Variants in KRT72 observed in about 807,000 individuals in gnomAD.
KRT72 encodes keratin 72.
KRT72 carries 44 observed loss-of-function variants against 44.7 expected under a neutral mutation model. The ratio of observed to expected loss-of-function variants is 0.98; its 90% confidence interval spans 0.77 to 1.27. The LOEUF is 1.27. Among genes scored for constraint, KRT72 ranks in the 50% most tolerant of loss-of-function variants. The pLI, the probability that KRT72 is intolerant of heterozygous loss-of-function variation, is 0.00. For synonymous variants in KRT72, 302 were observed against 280.4 expected (o/e 1.08, Z -0.77); for missense variants, 736 against 667.1 (o/e 1.10, Z -1.14).
In KRT72 at chr12:52,590,886, T is replaced by G. The variant is rs754766372; in HGVS notation, c.1039A>C (p.Asn347His). The part of the protein sequence containing the change: ...KLTKAEISEL[N>H]RLIQRIRSEI... ...GAGCGGATCCTCTGGATCAGGCGGT[T>G]GAGCTCAGAGATTTCAGCCTTGGTG... The change falls in exon 6 of 9, where the codon AAC becomes CAC. Residue 347 changes from asparagine to histidine, a missense_variant. Physicochemically the swap from Asn to His is moderately conservative, Grantham distance 68. Coordinates refer to ENST00000293745, the MANE Select transcript of KRT72 (RefSeq NM_080747.3). 6.2e-7 allele frequency: 1 copy of G among 1,606,854 alleles called. No homozygotes were observed. The highest frequency in any genetic ancestry group is 8.5e-7 in the Non-Finnish European group (1 of 1,174,540).
Position 52,599,047 on chromosome 12 carries a change from G to A in KRT72, c.492C>T (p.Asp164=), listed in dbSNP as rs1483325713. The A allele has an allele frequency of 1.2e-6, 2 of 1,614,042 alleles. No individual in the cohort carries two copies. Among genetic ancestry groups the A allele is most frequent in the Non-Finnish European group, 1.7e-6 (2 of 1,179,924 alleles). ...ETKWNLLQQL[D]LNNCRKNLEP... ...CCAGGTTCTTCCTGCAGTTGTTCAA[G>A]TCCAGCTGCTGTAGGAGGTTCCACT... The change falls in exon 2 of 9, where the codon GAC becomes GAT. Residue 164 remains aspartate (D), a synonymous_variant. Coordinates refer to ENST00000293745, the MANE Select transcript of KRT72 (RefSeq NM_080747.3).
At position 52,587,719 on chromosome 12, in the gene KRT72, G is replaced by A. The variant is rs766030329; in HGVS notation, c.1222C>T (p.Arg408Cys). The change falls in exon 7 of 9, where the codon CGT becomes TGT. Residue 408 changes from arginine to cysteine, a missense_variant. Transcript: ENST00000293745. ...AGGCTCACGAGCTCCTGGTACTCAC[G>A]CAGCATCCGTGCCAGCTCCTCCTTG... ...QAKEELARML[R>C]EYQELVSLKL... is the part of the protein sequence containing the mutation. 1.2e-5 allele frequency: 19 copies of A among 1,614,040 alleles called. No homozygotes were observed. The highest frequency in any genetic ancestry group is 2.2e-5 in the East Asian group (1 of 44,876).
chr12:52,593,875 G>A (rs1940141730), intron 2 of KRT72, among the ~76,000 whole-genome samples: 1 of 152,168 alleles, frequency 6.6e-6, no homozygotes, highest in Admixed American at 6.5e-5. Context: ...AGGAAGAGGG[G>A]AGGGAAGAAA....
At position 52,601,426 on chromosome 12, in the gene KRT72, G is replaced by A; in HGVS notation, c.27C>T (p.Pro9=). Residue 9 remains proline (P), a synonymous_variant, in exon 1 of 9, where the codon CCC becomes CCT. Coordinates refer to ENST00000293745, the MANE Select transcript of KRT72 (RefSeq NM_080747.3). MSRQLTHF[P]RGERLGFSGC... is the part of the protein sequence containing the mutation. ...CGCTGAAGCCCAGGCGCTCCCCGCGGGGGAAATGGGTCAGTTGGCGGCTCA... is the reference window on the plus strand; with the variant it reads ...CGCTGAAGCCCAGGCGCTCCCCGCGAGGGAAATGGGTCAGTTGGCGGCTCA... 2.6e-6 allele frequency: 4 copies of A among 1,539,050 alleles called. No homozygotes were observed. The highest frequency in any genetic ancestry group is 3.5e-6 in the Non-Finnish European group (4 of 1,147,262).
At chr12:52,590,499 A>G (rs1281749509) in intron 6 of KRT72, among the ~76,000 whole-genome samples, 1 of 152,172 alleles carries the variant, frequency 6.6e-6, no homozygotes, top group Non-Finnish European at 1.5e-5. Context: ...TGCCCCAGAT[A>G]GGCAAGCCCA....
At chr12:52,600,882 T>C in intron 1 of KRT72, 145 bp downstream of exon 1, 1 of 820,602 alleles carries the variant, frequency 1.2e-6, no homozygotes, top group Non-Finnish European at 1.9e-6. Flanking sequence ...GTAAGACCCA[T>C]TATTGTGCCC....
intron 2 of KRT72, among the ~76,000 whole-genome samples, chr12:52,594,596 C>T (rs895459395): frequency 6.7e-5 from 10 of 148,886 alleles, no homozygotes; most frequent in African/African-American, 1.2e-4. Flanking sequence ...CACCACACAC[C>T]GAGGCCTGTT....
intron 2 of KRT72, among the ~76,000 whole-genome samples, chr12:52,594,712 G>GCACGTTGT (rs1268544907): frequency 1.3e-5 from 2 of 152,140 alleles, no homozygotes; most frequent in Non-Finnish European, 2.9e-5. Flanking sequence ...TAGCAAACCT[G>GCACGTTGT]CACGTTGTGC....
At chr12:52,590,731 G>A (rs1939971664) in intron 6 of KRT72, 105 bp downstream of exon 6, 7 of 1,070,434 alleles carry the variant, frequency 6.5e-6, no homozygotes, top group Non-Finnish European at 9.1e-6. Context: ...GTAAATTAGA[G>A]GAGGCCCTAA....
chr12:52,587,865 A>T lies in KRT72; in HGVS notation c.1090-14T>A. Reference sequence around the variant, plus strand: ...CAGATCGGCACACTGAGGGGCAAACAGATCCAGCACTTAAGAGTCAGAGCC... The same window carrying T: ...CAGATCGGCACACTGAGGGGCAAACTGATCCAGCACTTAAGAGTCAGAGCC... On this transcript the variant is annotated splice_polypyrimidine_tract_variant and intron_variant, in intron 6 of 8. Transcript: ENST00000293745. The T allele has an allele frequency of 6.2e-7, 1 of 1,611,952 alleles. No homozygotes were observed. The highest frequency in any genetic ancestry group is 2.2e-5 in the East Asian group (1 of 44,880).
rs768009767 is a variant in KRT72, at chr12:52,590,860, T to C, written c.1065A>G (p.Ser355=). Residue 355 remains serine (S), a synonymous_variant, in exon 6 of 9, where the codon TCA becomes TCG. Transcript: ENST00000293745. ...CCTGCTTCTTCACATTCCCTATCTC[T>C]GAGCGGATCCTCTGGATCAGGCGGT... is the stretch of plus-strand genomic sequence containing the variant. ...ELNRLIQRIR[S]EIGNVKKQCA... is the part of the protein sequence containing the mutation. 2.5e-6 allele frequency: 4 copies of C among 1,592,742 alleles called. No individual in the cohort carries two copies. The highest frequency in any genetic ancestry group is 2.6e-6 in the Non-Finnish European group (3 of 1,164,414).
chr12:52,594,699 ATG>A (rs1415681772), intron 2 of KRT72, among the ~76,000 whole-genome samples: 1 of 152,224 alleles, frequency 6.6e-6, no homozygotes, highest in African/African-American at 2.4e-5. Flanking sequence ...ATGTATACAT[ATG>A]TAGCAAACCT....
At chr12:52,588,183 GA>G (rs34137277) in intron 6 of KRT72, among the ~76,000 whole-genome samples, 13 of 152,146 alleles carry the variant, frequency 8.5e-5, no homozygotes, top group Non-Finnish European at 1.0e-4. Context: ...TGTCAACTCT[GA>G]AAAAAAGTCT....
chr12:52,587,744 G>C lies in KRT72; in HGVS notation c.1197C>G (p.Ala399=). The C allele has an allele frequency of 1.2e-6, 2 of 1,614,178 alleles. No homozygotes were observed. Among genetic ancestry groups the C allele is most frequent in the Middle Eastern group, 1.6e-4 (1 of 6,062 alleles). Reference sequence around the variant, plus strand: ...GCAGCATCCGTGCCAGCTCCTCCTTGGCCTGGTGCAGGGCGCCCTCCAGCT... The same window carrying C: ...GCAGCATCCGTGCCAGCTCCTCCTTCGCCTGGTGCAGGGCGCCCTCCAGCT... The part of the protein sequence containing the change: ...LDELEGALHQ[A]KEELARMLRE... The change falls in exon 7 of 9, where the codon GCC becomes GCG. Residue 399 remains alanine (A), a synonymous_variant. Coordinates refer to ENST00000293745, the MANE Select transcript of KRT72 (RefSeq NM_080747.3).
intron 2 of KRT72, among the ~76,000 whole-genome samples, chr12:52,596,778 T>C (rs568061267): frequency 4.6e-5 from 7 of 152,224 alleles, no homozygotes; most frequent in Admixed American, 1.3e-4. Flanking sequence ...CTCGAACTCT[T>C]GAGCTCAAAT....
At chr12:52,593,938 C>T (rs921303195) in intron 2 of KRT72, among the ~76,000 whole-genome samples, 3 of 152,034 alleles carry the variant, frequency 2.0e-5, no homozygotes, top group Admixed American at 6.6e-5. Flanking sequence ...AGATGGAAAG[C>T]GTGTTCTGGA....
intron 2 of KRT72, among the ~76,000 whole-genome samples, chr12:52,593,745 G>A (rs1940138826): frequency 6.6e-6 from 1 of 152,160 alleles, no homozygotes; most frequent in Admixed American, 6.5e-5. Context: ...CTTTTGCTAA[G>A]TGAAAGAAGC....
chr12:52,598,457 C>T (rs527768922), intron 2 of KRT72, among the ~76,000 whole-genome samples: 1 of 152,332 alleles, frequency 6.6e-6, no homozygotes, highest in South Asian at 2.1e-4. Flanking sequence ...TCTCAATCAT[C>T]CTCAAACATT....
intron 2 of KRT72, among the ~76,000 whole-genome samples, chr12:52,593,794 T>C (rs1940139777): frequency 6.6e-6 from 1 of 152,098 alleles, no homozygotes; most frequent in South Asian, 2.1e-4. Context: ...AGACAAATGA[T>C]CTCATTCATG....
Sources: allele counts gnomAD v4.1 joint callset (sites outside exome capture counted in the v4.1 genomes callset), GRCh38; gene constraint gnomAD v4.1.1; transcripts MANE v1.5; gene names NCBI Gene and HGNC (gene_info 2026-07-23, HGNC 2026-07-21).